GABRB1: variants seen among roughly 807,000 people sequenced by gnomAD.
GABRB1 encodes gamma-aminobutyric acid type A receptor subunit beta1.
A neutral mutation model predicts 51.6 loss-of-function variants in GABRB1; 17 were observed. The ratio of observed to expected loss-of-function variants is 0.33; its 90% confidence interval spans 0.23 to 0.49. The LOEUF is 0.49. Ranked by LOEUF, GABRB1 falls within the 20% of genes least tolerant of loss-of-function variation. The probability of loss-of-function intolerance (pLI) is 0.99; values close to 1 mark genes in which losing one functional copy is unlikely to be tolerated. For synonymous variants in GABRB1, 247 were observed against 218.9 expected (o/e 1.13, Z -1.14); for missense variants, 410 against 600.6 (o/e 0.68, Z 3.32).
intron 3 of GABRB1, among the ~76,000 whole-genome samples, chr4:47,118,170 A>C (rs1715591329): frequency 6.6e-6 from 1 of 151,926 alleles, no homozygotes; most frequent in African/African-American, 2.4e-5. Context: ...AGATGTTAAA[A>C]ACTATGTTAA....
chr4:47,278,084 CT>C (rs911894113), intron 4 of GABRB1, among the ~76,000 whole-genome samples: 8 of 152,050 alleles, frequency 5.3e-5, no homozygotes, highest in Non-Finnish European at 1.0e-4. Flanking sequence ...GAGAGACAAA[CT>C]TTTTTATGGG....
At chr4:47,302,840 A>G (rs760568304) in intron 4 of GABRB1, among the ~76,000 whole-genome samples, 2 of 151,978 alleles carry the variant, frequency 1.3e-5, no homozygotes, top group Non-Finnish European at 2.9e-5. Flanking sequence ...TCAGGTTCCA[A>G]TTTCAGGTTA....
At chr4:47,033,276 A>T (rs923703297) in intron 3 of GABRB1, among the ~76,000 whole-genome samples, 2 of 152,202 alleles carry the variant, frequency 1.3e-5, no homozygotes, top group South Asian at 4.1e-4. Flanking sequence ...AGGGGTCAAC[A>T]TTCTTTTATA....
At chr4:47,066,517 T>C (rs1727089560) in intron 3 of GABRB1, among the ~76,000 whole-genome samples, 1 of 152,246 alleles carries the variant, frequency 6.6e-6, no homozygotes, top group South Asian at 2.1e-4. Context: ...ACTAAGTTTA[T>C]GGAATATTCT....
At chr4:47,028,740 A>G (rs1478090020), upstream of GABRB1, among the ~76,000 whole-genome samples, 1 of 150,494 alleles carries the variant, frequency 6.6e-6, no homozygotes, top group Non-Finnish European at 1.5e-5. Context: ...ATATATACAT[A>G]CACACACAAA....
chr4:47,161,505 G>A, intron 4 of GABRB1, 36 bp downstream of exon 4: 1 of 1,558,446 alleles, frequency 6.4e-7, no homozygotes, highest in East Asian at 2.3e-5. Flanking sequence ...TAATGTTGTT[G>A]TTGTTTTGTT....
At chr4:46,997,475 C>T (rs537669345) in intron 1 of GABRB1, among the ~76,000 whole-genome samples, 28 of 151,330 alleles carry the variant, frequency 1.9e-4, no homozygotes, top group African/African-American at 3.9e-4. Flanking sequence ...TAACTTCGTA[C>T]GCTTCAAGCT....
intron 7 of GABRB1, among the ~76,000 whole-genome samples, chr4:47,404,648 A>G (rs2110053007): frequency 6.6e-6 from 1 of 152,310 alleles, no homozygotes; most frequent in Middle Eastern, 3.4e-3. Context: ...GCTTATTTGT[A>G]ATGGCTGAAT....
At chr4:47,352,321 G>T (rs552673034) in intron 5 of GABRB1, among the ~76,000 whole-genome samples, 78 of 152,166 alleles carry the variant, frequency 5.1e-4, no homozygotes, top group Non-Finnish European at 9.0e-4. Context: ...ATTCACAGCC[G>T]AATTCTACCA....
intron 3 of GABRB1, among the ~76,000 whole-genome samples, chr4:47,123,813 ATATAT>A (rs1227584848): frequency 4.1e-4 from 39 of 94,304 alleles, no homozygotes; most frequent in Non-Finnish European, 5.4e-4. Flanking sequence ...ATCATATATT[ATATAT>A]TATATTATAT....
At chr4:47,007,093 T>C (rs1238438114) in intron 1 of GABRB1, among the ~76,000 whole-genome samples, 1 of 151,640 alleles carries the variant, frequency 6.6e-6, no homozygotes, top group African/African-American at 2.4e-5. Flanking sequence ...GGAGCCATGA[T>C]CGTGCCACTG....
chr4:46,998,732 TAAAA>T (rs1031492003), intron 1 of GABRB1, among the ~76,000 whole-genome samples: 1 of 66,432 alleles, frequency 1.5e-5, no homozygotes, highest in Admixed American at 1.8e-4. Flanking sequence ...AGACTCTGTC[TAAAA>T]AAAAAAAAAA....
At chr4:47,310,735 G>A (rs2109951527) in intron 4 of GABRB1, among the ~76,000 whole-genome samples, 1 of 152,138 alleles carries the variant, frequency 6.6e-6, no homozygotes, top group African/African-American at 2.4e-5. Context: ...AACATAATAA[G>A]GCTATTATAA....
intron 4 of GABRB1, among the ~76,000 whole-genome samples, chr4:47,237,235 C>A (rs1721362416): frequency 1.3e-5 from 2 of 151,636 alleles, no homozygotes; most frequent in Non-Finnish European, 2.9e-5. Flanking sequence ...ACAAATAAAA[C>A]CTTGGTGGAA....
intron 4 of GABRB1, among the ~76,000 whole-genome samples, chr4:47,285,375 G>T (rs866432224): frequency 6.6e-6 from 1 of 152,104 alleles, no homozygotes; most frequent in Non-Finnish European, 1.5e-5. Context: ...TTTTTAAACA[G>T]CACTTTTTTA....
intron 5 of GABRB1, among the ~76,000 whole-genome samples, chr4:47,395,082 G>C (rs1728135935): frequency 1.3e-5 from 2 of 152,152 alleles, no homozygotes; most frequent in Non-Finnish European, 2.9e-5. Context: ...AGTGCACCCA[G>C]GCTACCTGAT....
At chr4:47,226,026 T>C (rs1411071679) in intron 4 of GABRB1, among the ~76,000 whole-genome samples, 1 of 152,194 alleles carries the variant, frequency 6.6e-6, no homozygotes. Context: ...TGTACAACAA[T>C]GCAAGGATTA....
intron 4 of GABRB1, among the ~76,000 whole-genome samples, chr4:47,244,340 T>C (rs1304890337): frequency 5.3e-5 from 8 of 152,180 alleles, no homozygotes; most frequent in Non-Finnish European, 1.0e-4. Flanking sequence ...TGGTCTAAAA[T>C]TCTCTTTTTT....
chr4:47,031,207 C>T (rs918867511), upstream of GABRB1, among the ~76,000 whole-genome samples: 2 of 152,088 alleles, frequency 1.3e-5, no homozygotes, highest in Non-Finnish European at 2.9e-5. Flanking sequence ...AACCAGAGAA[C>T]AACAGACCCT....
Sources: allele counts gnomAD v4.1 joint callset (sites outside exome capture counted in the v4.1 genomes callset), GRCh38; gene constraint gnomAD v4.1.1; transcripts MANE v1.5; gene names NCBI Gene and HGNC (gene_info 2026-07-23, HGNC 2026-07-21).